FBN1: variants seen among roughly 807,000 people sequenced by gnomAD.
The protein encoded by FBN1 is fibrillin 1.
FBN1 carries 29 observed loss-of-function variants against 365.1 expected under a neutral mutation model. That is an observed-to-expected ratio of 0.08 (90% CI 0.06 to 0.11). The LOEUF (loss-of-function observed/expected upper bound fraction) is 0.11. Ranked by LOEUF, FBN1 falls within the 10% of genes least tolerant of loss-of-function variation. The probability of loss-of-function intolerance (pLI) is 1.00; values close to 1 mark genes in which losing one functional copy is unlikely to be tolerated. For synonymous variants in FBN1, 1,210 were observed against 1,270.5 expected (o/e 0.95, Z 1.01); for missense variants, 2,476 against 3,703.2 (o/e 0.67, Z 8.60).
intron 2 of FBN1, among the ~76,000 whole-genome samples, chr15:48,628,759 G>T (rs1889932325): frequency 6.6e-6 from 1 of 152,120 alleles, no homozygotes; most frequent in South Asian, 2.1e-4. Context: ...TAAGTCAATA[G>T]GAAATGACAG....
chr15:48,539,199 G>A (rs968844656), intron 6 of FBN1, among the ~76,000 whole-genome samples: 3 of 152,078 alleles, frequency 2.0e-5, no homozygotes, highest in African/African-American at 7.2e-5. Context: ...ATCACTACGT[G>A]CTCTTCCTCC....
chr15:48,451,710 A>G (rs1265811576), intron 45 of FBN1, among the ~76,000 whole-genome samples: 1 of 149,142 alleles, frequency 6.7e-6, no homozygotes, highest in East Asian at 1.9e-4. Flanking sequence ...CTAATATACA[A>G]TGATTTGCTT....
intron 6 of FBN1, among the ~76,000 whole-genome samples, chr15:48,570,470 GA>G (rs35611018): frequency 0.1 from 14,077 of 137,768 alleles, 1,864 homozygotes; most frequent in African/African-American, 0.31. Flanking sequence ...GGAAAACTTT[GA>G]AAAAAAAAAA....
chr15:48,437,673 A>G, intron 51 of FBN1, 95 bp downstream of exon 51: 2 of 1,265,992 alleles, frequency 1.6e-6, no homozygotes. Context: ...ATTAAATTAA[A>G]TTGTGTTACT....
intron 2 of FBN1, among the ~76,000 whole-genome samples, chr15:48,630,054 A>G (rs1016315662): frequency 6.6e-6 from 1 of 152,268 alleles, no homozygotes; most frequent in African/African-American, 2.4e-5. Flanking sequence ...ACAGTTCACT[A>G]GATGAAGAAT....
chr15:48,525,241 G>A (rs1293293391), intron 9 of FBN1, among the ~76,000 whole-genome samples: 3 of 151,980 alleles, frequency 2.0e-5, no homozygotes, highest in East Asian at 1.9e-4. Flanking sequence ...CACCCGCCAC[G>A]ACGCCTGGCA....
At chr15:48,619,176 T>C (rs778507414) in intron 2 of FBN1, among the ~76,000 whole-genome samples, 3 of 152,042 alleles carry the variant, frequency 2.0e-5, no homozygotes, top group Non-Finnish European at 2.9e-5. Context: ...ACCCAAAGAC[T>C]CTTTTCTGGA....
intron 32 of FBN1, among the ~76,000 whole-genome samples, chr15:48,478,572 TAGCAGGGCCTTAATTATGTAGAACAAGC>T (rs2043441955): frequency 6.6e-6 from 1 of 152,142 alleles, no homozygotes. Flanking sequence ...AGATGACACC[TAGCAGGGCCTTAATTATGTAGAACAAGC>T]AGCAGAAGCC....
intron 60 of FBN1, 94 bp downstream of exon 60, chr15:48,425,274 CA>C: frequency 1.3e-6 from 2 of 1,543,510 alleles, no homozygotes. Flanking sequence ...GCCTGTAGAG[CA>C]GGTCTTTCGG....
intron 50 of FBN1, among the ~76,000 whole-genome samples, chr15:48,440,285 T>C (rs1488336524): frequency 2.0e-5 from 3 of 152,214 alleles, no homozygotes; most frequent in African/African-American, 7.2e-5. Flanking sequence ...GAGCTGAGCA[T>C]GTGGCAGGGC....
At chr15:48,592,829 G>A (rs2044488803) in intron 6 of FBN1, among the ~76,000 whole-genome samples, 1 of 152,146 alleles carries the variant, frequency 6.6e-6, no homozygotes, top group South Asian at 2.1e-4. Flanking sequence ...TGGGGACTAT[G>A]ACAAACTAGA....
chr15:48,463,960 G>C lies in FBN1; in HGVS notation c.5004C>G (p.Gly1668=), dbSNP rs1272960714. The C allele has an allele frequency of 6.2e-7, 1 of 1,613,516 alleles. No individual in the cohort carries two copies. The highest frequency in any genetic ancestry group is 8.5e-7 in the Non-Finnish European group (1 of 1,179,474). Residue 1668 remains glycine (G), a synonymous_variant, in exon 41 of 66, where the codon GGC becomes GGG. Coordinates refer to ENST00000316623, the MANE Select transcript of FBN1 (RefSeq NM_000138.5). ...CTGGAGGACAGATACAGGTGTAGTT[G>C]CCAACGGTGTTGTAACATGTCCCTG... ...CGPGTCYNTV[G]NYTCICPPDY...
intron 6 of FBN1, among the ~76,000 whole-genome samples, chr15:48,543,879 C>T (rs962823092): frequency 4.6e-5 from 7 of 151,974 alleles, no homozygotes; most frequent in African/African-American, 1.7e-4. Flanking sequence ...TTAGAGGTGA[C>T]GTCTCATGAT....
intron 50 of FBN1, 36 bp downstream of exon 50, chr15:48,441,685 C>T (rs2043116082): frequency 1.2e-6 from 2 of 1,612,276 alleles, no homozygotes; most frequent in South Asian, 1.1e-5. Flanking sequence ...AATAAACATG[C>T]AGCATTGAAA....
At chr15:48,546,539 T>C (rs2044094963) in intron 6 of FBN1, among the ~76,000 whole-genome samples, 1 of 151,972 alleles carries the variant, frequency 6.6e-6, no homozygotes, top group Non-Finnish European at 1.5e-5. Flanking sequence ...GAGCTTTGAG[T>C]GCAAAGGGGA....
intron 59 of FBN1, 92 bp from the exon 60 acceptor site, chr15:48,425,583 G>A (rs542614410): frequency 3.1e-5 from 49 of 1,581,260 alleles, no homozygotes; most frequent in Admixed American, 8.6e-5. Context: ...TTTTAGTTTC[G>A]GGGAAAGAAA....
intron 31 of FBN1, among the ~76,000 whole-genome samples, chr15:48,483,473 G>A (rs1440199824): frequency 1.3e-5 from 2 of 152,224 alleles, no homozygotes; most frequent in Non-Finnish European, 2.9e-5. Context: ...ATTCTTGTCA[G>A]AAGTAAATTT....
At chr15:48,471,420 A>G (rs2043376124) in intron 35 of FBN1, among the ~76,000 whole-genome samples, 1 of 152,220 alleles carries the variant, frequency 6.6e-6, no homozygotes, top group South Asian at 2.1e-4. Flanking sequence ...TAGCAATAAG[A>G]GAAGCAAAAC....
intron 5 of FBN1, among the ~76,000 whole-genome samples, chr15:48,599,457 G>A (rs1415016349): frequency 6.6e-6 from 1 of 151,776 alleles, no homozygotes; most frequent in African/African-American, 2.4e-5. Context: ...CTGGAATGAT[G>A]AAATCACGAA....
Sources: gnomAD v4.1 joint callset for allele counts (sites outside exome capture counted in the v4.1 genomes callset) on GRCh38, gnomAD v4.1.1 for gene constraint, MANE v1.5 for transcripts, NCBI Gene and HGNC (gene_info 2026-07-23, HGNC 2026-07-21) for gene names.